The following GRIA4 variants were observed in gnomAD, a reference collection of about 807,000 sequenced individuals.
GRIA4 encodes glutamate receptor 4.
Under a neutral mutation model 104.0 loss-of-function variants are expected in GRIA4, and 34 were observed. That is an observed-to-expected ratio of 0.33 (90% CI 0.25 to 0.44). The LOEUF is 0.44. GRIA4 is among the 20% of genes least tolerant of loss of function. The pLI, the probability that GRIA4 is intolerant of heterozygous loss-of-function variation, is 1.00. For missense variants in GRIA4, 750 were observed against 1,096.5 expected, an observed-to-expected ratio of 0.68 and a Z score of 4.46; for synonymous variants, 386 against 381.9, an observed-to-expected ratio of 1.01 and a Z score of -0.13.
chr11:105,743,004 T>C (rs1939412111), intron 3 of GRIA4, among the ~76,000 whole-genome samples: 2 of 152,146 alleles, frequency 1.3e-5, no homozygotes, highest in African/African-American at 4.8e-5. Flanking sequence ...CCCAAAGTTC[T>C]GGGATTACCG....
chr11:105,872,938 T>C (rs1945670672), intron 5 of GRIA4, among the ~76,000 whole-genome samples: 1 of 152,062 alleles, frequency 6.6e-6, no homozygotes, highest in South Asian at 2.1e-4. Flanking sequence ...GTATCTTTTT[T>C]TATTTTTTTA....
At chr11:105,884,796 T>C (rs1946194325) in intron 5 of GRIA4, among the ~76,000 whole-genome samples, 1 of 152,242 alleles carries the variant, frequency 6.6e-6, no homozygotes, top group Admixed American at 6.5e-5. Context: ...CTAAACAATC[T>C]TGAATGGACA....
chr11:105,737,498 A>G (rs1460730898), intron 3 of GRIA4, among the ~76,000 whole-genome samples: 1 of 152,116 alleles, frequency 6.6e-6, no homozygotes, highest in Non-Finnish European at 1.5e-5. Flanking sequence ...GAAAAAAAAA[A>G]GTATTGAAAC....
intron 14 of GRIA4, among the ~76,000 whole-genome samples, chr11:105,955,902 T>C (rs1348229033): frequency 1.3e-5 from 2 of 152,214 alleles, no homozygotes; most frequent in Non-Finnish European, 2.9e-5. Flanking sequence ...ATATGTTTAT[T>C]GGCTGTGTAA....
At chr11:105,618,234 A>G (rs1203000076) in intron 3 of GRIA4, among the ~76,000 whole-genome samples, 1 of 152,136 alleles carries the variant, frequency 6.6e-6, no homozygotes, top group East Asian at 1.9e-4. Context: ...ACAAAGAGGG[A>G]CCCATAAATG....
At chr11:105,910,322 T>C (rs1293742189) in intron 9 of GRIA4, 113 bp from the exon 10 acceptor site, 1 of 626,976 alleles carries the variant, frequency 1.6e-6, no homozygotes, top group African/African-American at 1.9e-5. Context: ...GCTTTTGTTT[T>C]GTTTGCTTAC....
At chr11:105,694,711 C>T (rs1434368011) in intron 3 of GRIA4, among the ~76,000 whole-genome samples, 3 of 151,888 alleles carry the variant, frequency 2.0e-5, no homozygotes, top group Non-Finnish European at 4.4e-5. Context: ...TTACGTGGTT[C>T]CAAACATAAA....
chr11:105,635,300 A>T (rs1951175042), intron 3 of GRIA4, among the ~76,000 whole-genome samples: 1 of 152,182 alleles, frequency 6.6e-6, no homozygotes, highest in Non-Finnish European at 1.5e-5. Flanking sequence ...TTACAAGCAT[A>T]CTAGGAAACT....
At chr11:105,622,829 C>CCCT (rs1282628124) in intron 3 of GRIA4, among the ~76,000 whole-genome samples, 2 of 151,484 alleles carry the variant, frequency 1.3e-5, no homozygotes. Flanking sequence ...TCATCATCCA[C>CCCT]CCTCCTCTAA....
intron 4 of GRIA4, among the ~76,000 whole-genome samples, chr11:105,845,871 A>G (rs1435137473): frequency 6.6e-6 from 1 of 152,160 alleles, no homozygotes; most frequent in Non-Finnish European, 1.5e-5. Flanking sequence ...AGCCTGGGCG[A>G]CAGAGAGAGA....
chr11:105,635,199 T>G (rs1015485397), intron 3 of GRIA4, among the ~76,000 whole-genome samples: 42 of 152,270 alleles, frequency 2.8e-4, no homozygotes, highest in African/African-American at 9.4e-4. Flanking sequence ...TTATCTTTAA[T>G]TTTCCTTGGA....
intron 4 of GRIA4, among the ~76,000 whole-genome samples, chr11:105,785,666 G>A (rs1316202147): frequency 6.6e-6 from 1 of 152,078 alleles, no homozygotes; most frequent in African/African-American, 2.4e-5. Context: ...AACATTAAAA[G>A]TTACTTGTAT....
intron 13 of GRIA4, among the ~76,000 whole-genome samples, chr11:105,930,131 A>G (rs1465875398): frequency 6.6e-6 from 1 of 151,958 alleles, no homozygotes; most frequent in African/African-American, 2.4e-5. Context: ...GATCTGCAGA[A>G]ATTTTCTTCA....
intron 5 of GRIA4, among the ~76,000 whole-genome samples, chr11:105,864,735 T>A (rs186265409): frequency 1.2e-4 from 19 of 152,242 alleles, no homozygotes; most frequent in Admixed American, 9.8e-4. Context: ...CCGGGTGTGG[T>A]GGCACATGCC....
chr11:105,804,394 C>G (rs146735646), intron 4 of GRIA4, among the ~76,000 whole-genome samples: 7 of 151,110 alleles, frequency 4.6e-5, no homozygotes, highest in Admixed American at 1.3e-4. Flanking sequence ...GACCACTGGA[C>G]CATCCTCAGG....
At position 105,898,296 on chromosome 11, in the gene GRIA4, T is replaced by C. The variant is rs773187241; in HGVS notation, c.754T>C (p.Phe252Leu). The change falls in exon 7 of 17, where the codon TTT (phenylalanine) becomes CTT (leucine). Residue 252 changes from phenylalanine (F) to leucine (L), a missense_variant. Around this residue, in one of 3 missense-constraint regions of GRIA4, gnomAD observed 410 missense variants for 502.7 expected, o/e 0.82. Transcript: ENST00000282499. Reference protein sequence around the residue: ...LGFKDISLERFIHGGANVTGF... With the variant: ...LGFKDISLERLIHGGANVTGF... Reference sequence around the variant, plus strand: ...ATTCAAGGATATTTCTCTTGAGAGGTTTATACATGGTGGAGCCAATGTTAC... The same window carrying C: ...ATTCAAGGATATTTCTCTTGAGAGGCTTATACATGGTGGAGCCAATGTTAC... 2 of 1,567,786 alleles carry C rather than the reference T, an allele frequency of 1.3e-6. No individual in the cohort carries two copies. The highest frequency in any genetic ancestry group is 3.3e-5 in the Admixed American group (2 of 59,768).
intron 4 of GRIA4, among the ~76,000 whole-genome samples, chr11:105,786,343 C>A (rs1417238650): frequency 1.3e-5 from 2 of 152,196 alleles, no homozygotes; most frequent in East Asian, 3.9e-4. Context: ...AGGTTTATTA[C>A]AACAAATTTC....
chr11:105,922,633 C>T (rs1006495025), intron 11 of GRIA4, among the ~76,000 whole-genome samples: 3 of 151,866 alleles, frequency 2.0e-5, no homozygotes, highest in African/African-American at 7.3e-5. Context: ...AACTTGTATA[C>T]TGAAATGGAA....
At chr11:105,705,541 A>G (rs1157446305) in intron 3 of GRIA4, among the ~76,000 whole-genome samples, 1 of 152,172 alleles carries the variant, frequency 6.6e-6, no homozygotes, top group African/African-American at 2.4e-5. Context: ...GTACATAAAG[A>G]ACACATAAAA....
Sources: allele counts gnomAD v4.1 joint callset (sites outside exome capture counted in the v4.1 genomes callset), GRCh38; gene constraint gnomAD v4.1.1; regional missense constraint gnomAD v4.1.1; transcripts MANE v1.5; gene names NCBI Gene and HGNC (gene_info 2026-07-23, HGNC 2026-07-21).